Variants in NKAIN3 observed in about 807,000 individuals in gnomAD.
NKAIN3 encodes sodium/potassium transporting ATPase interacting 3.
NKAIN3 carries 25 observed loss-of-function variants against 30.2 expected under a neutral mutation model. That is an observed-to-expected ratio of 0.83 (90% CI 0.60 to 1.16). NKAIN3 has a LOEUF of 1.16. Among genes scored for constraint, NKAIN3 ranks in the 50% most tolerant of loss-of-function variants. The probability of loss-of-function intolerance (pLI) is 0.00; values close to 1 mark genes in which losing one functional copy is unlikely to be tolerated. For missense variants in NKAIN3, 225 were observed against 254.1 expected, an observed-to-expected ratio of 0.89 and a Z score of 0.78; for synonymous variants, 91 against 89.6, an observed-to-expected ratio of 1.02 and a Z score of -0.09.
At chr8:62,745,430 C>T (rs1185842147) in intron 3 of NKAIN3, among the ~76,000 whole-genome samples, 2 of 152,224 alleles carry the variant, frequency 1.3e-5, no homozygotes, top group African/African-American at 4.8e-5. Flanking sequence ...CCTGCATCCC[C>T]AGCTACCCTG....
intron 6 of NKAIN3, among the ~76,000 whole-genome samples, chr8:62,955,814 TA>T (rs1823404430): frequency 6.6e-6 from 1 of 152,172 alleles, no homozygotes; most frequent in African/African-American, 2.4e-5. Flanking sequence ...TAAGATCACC[TA>T]AAAGGCTTTG....
intron 4 of NKAIN3, among the ~76,000 whole-genome samples, chr8:62,876,973 GT>G (rs1312866398): frequency 1.3e-5 from 2 of 150,942 alleles, no homozygotes; most frequent in Non-Finnish European, 2.9e-5. Context: ...AAAGTTTGGG[GT>G]TTTTAACTCT....
chr8:62,726,522 C>A (rs2130531327), intron 3 of NKAIN3, among the ~76,000 whole-genome samples: 1 of 152,046 alleles, frequency 6.6e-6, no homozygotes, highest in Middle Eastern at 3.4e-3. Context: ...AGAATTTTAT[C>A]AAATGATTTC....
chr8:62,736,983 T>A (rs1815694721), intron 3 of NKAIN3, among the ~76,000 whole-genome samples: 1 of 152,166 alleles, frequency 6.6e-6, no homozygotes, highest in African/African-American at 2.4e-5. Flanking sequence ...GGTTCCCCAG[T>A]GAGGATGTGT....
chr8:62,275,246 C>T (rs376743461), intron 1 of NKAIN3, among the ~76,000 whole-genome samples: 1,569 of 152,248 alleles, frequency 0.01, 24 homozygotes, highest in African/African-American at 0.034. Flanking sequence ...TCCACATCCT[C>T]TCCAGCACCT....
chr8:62,811,097 C>A (rs1818471882), intron 4 of NKAIN3, among the ~76,000 whole-genome samples: 1 of 152,066 alleles, frequency 6.6e-6, no homozygotes, highest in Admixed American at 6.6e-5. Flanking sequence ...CTACTCTGTT[C>A]TCTGTTGTTA....
intron 1 of NKAIN3, among the ~76,000 whole-genome samples, chr8:62,516,607 T>G (rs757419628): frequency 2.0e-5 from 3 of 152,164 alleles, no homozygotes; most frequent in Non-Finnish European, 4.4e-5. Context: ...CTTTAAAGTG[T>G]GAAATAATCC....
chr8:62,462,086 A>C (rs1425247381), intron 1 of NKAIN3, among the ~76,000 whole-genome samples: 1 of 152,212 alleles, frequency 6.6e-6, no homozygotes, highest in Non-Finnish European at 1.5e-5. Context: ...AGCAAAATAA[A>C]GATGGCTTCT....
intron 1 of NKAIN3, among the ~76,000 whole-genome samples, chr8:62,416,720 C>T (rs1394141030): frequency 5.9e-5 from 9 of 152,146 alleles, no homozygotes; most frequent in African/African-American, 2.2e-4. Flanking sequence ...ATTGGCCAGG[C>T]ATGGTAGCTC....
intron 1 of NKAIN3, among the ~76,000 whole-genome samples, chr8:62,529,724 G>T (rs111675134): frequency 6.6e-6 from 1 of 152,150 alleles, no homozygotes; most frequent in African/African-American, 2.4e-5. Context: ...CCAGTACATG[G>T]TATTCTGTTA....
intron 1 of NKAIN3, among the ~76,000 whole-genome samples, chr8:62,322,050 C>T (rs1320376016): frequency 2.6e-5 from 4 of 152,190 alleles, no homozygotes; most frequent in African/African-American, 4.8e-5. Context: ...CCCCCAGCCT[C>T]GCTGCCGCCT....
intron 5 of NKAIN3, among the ~76,000 whole-genome samples, chr8:62,919,906 G>GTTGTT (rs771893340): frequency 3.8e-5 from 2 of 52,282 alleles, no homozygotes; most frequent in Non-Finnish European, 6.1e-5. Flanking sequence ...CTTACACAGA[G>GTTGTT]TTTTTTTTTT....
chr8:62,400,728 A>C (rs74878640), intron 1 of NKAIN3, among the ~76,000 whole-genome samples: 1 of 151,264 alleles, frequency 6.6e-6, no homozygotes, highest in South Asian at 2.1e-4. Flanking sequence ...GACACTTTAC[A>C]TATGTCTTGC....
intron 1 of NKAIN3, among the ~76,000 whole-genome samples, chr8:62,520,681 A>G (rs1808127194): frequency 6.6e-6 from 1 of 152,064 alleles, no homozygotes; most frequent in African/African-American, 2.4e-5. Context: ...ATCTAAATTA[A>G]ATAAAATTTG....
At chr8:62,781,369 C>T (rs1041671057) in intron 4 of NKAIN3, among the ~76,000 whole-genome samples, 11 of 151,030 alleles carry the variant, frequency 7.3e-5, no homozygotes, top group African/African-American at 2.7e-4. Context: ...TCTACAGATT[C>T]GATGCAATCT....
At chr8:62,586,508 TACA>T (rs1419275703) in intron 2 of NKAIN3, among the ~76,000 whole-genome samples, 4 of 152,146 alleles carry the variant, frequency 2.6e-5, no homozygotes, top group East Asian at 1.9e-4. Flanking sequence ...TAAAAAATGT[TACA>T]ACAATGACTG....
chr8:62,707,204 T>G (rs1814558252), intron 3 of NKAIN3, among the ~76,000 whole-genome samples: 1 of 152,140 alleles, frequency 6.6e-6, no homozygotes, highest in Non-Finnish European at 1.5e-5. Flanking sequence ...TGCAAGTATC[T>G]TTTTCAAATA....
rs192803643 is a variant in NKAIN3 at position 62,343,200 on chromosome 8, C to A, written c.54+94073C>A. 1.0e-3 allele frequency among the ~76,000 whole-genome samples: 157 copies of A among 152,050 alleles called. 1 individual carries two copies. Among genetic ancestry groups the A allele is most frequent in the African/African-American group, 3.7e-3 (154 of 41,506 alleles). On this transcript the variant is annotated intron_variant, in intron 1 of 6. Coordinates refer to ENST00000623646, the MANE Select transcript of NKAIN3 (RefSeq NM_001304533.3). ...GTTTTGTGACATAGCTCCTGGGCTA[C>A]CCTGGGCAATTTACCTAAACTGGCT...
intron 1 of NKAIN3, among the ~76,000 whole-genome samples, chr8:62,377,955 G>T (rs927571241): frequency 2.0e-5 from 3 of 152,200 alleles, no homozygotes; most frequent in Non-Finnish European, 4.4e-5. Context: ...TACTCAAAAT[G>T]TGGAAGTGAC....
Sources: gnomAD v4.1 joint callset for allele counts (sites outside exome capture counted in the v4.1 genomes callset) on GRCh38, gnomAD v4.1.1 for gene constraint, MANE v1.5 for transcripts, NCBI Gene and HGNC (gene_info 2026-07-23, HGNC 2026-07-21) for gene names.